DNHD1: variants seen among roughly 807,000 people sequenced by gnomAD.
DNHD1 encodes the protein dynein heavy chain domain-containing protein 1.
Under a neutral mutation model 458.1 loss-of-function variants are expected in DNHD1, and 383 were observed. The observed-to-expected ratio is 0.84, with a 90% CI of 0.77 to 0.91. DNHD1 has a LOEUF of 0.91. Among genes scored for constraint, DNHD1 ranks in the 40% least tolerant of loss-of-function variants. DNHD1 has a pLI of 0.00. For synonymous variants in DNHD1, 2,203 were observed against 2,376.9 expected, an observed-to-expected ratio of 0.93 and a Z score of 2.13; for missense variants, 5,336 against 5,866.1, an observed-to-expected ratio of 0.91 and a Z score of 2.95.
chr11:6,529,807 T>G (rs1319434517), intron 12 of DNHD1, among the ~76,000 whole-genome samples: 6 of 152,178 alleles, frequency 3.9e-5, no homozygotes, highest in Admixed American at 6.5e-5. Context: ...CCTGGGCTGG[T>G]AGAGCTGCGA....
At chr11:6,534,269 CCAAGCAAG>C in intron 14 of DNHD1, 96 bp downstream of exon 14, 1 of 1,293,996 alleles carries the variant, frequency 7.7e-7, no homozygotes, top group Non-Finnish European at 1.0e-6. Flanking sequence ...CTGTATGACC[CCAAGCAAG>C]CCTTGGGAAT....
intron 3 of DNHD1, among the ~76,000 whole-genome samples, chr11:6,501,233 G>A (rs978826623): frequency 6.6e-6 from 1 of 151,812 alleles, no homozygotes; most frequent in Non-Finnish European, 1.5e-5. Context: ...TTTTTGTGAA[G>A]CTTAGCTTGA....
rs1837031611 is a variant in DNHD1, at chr11:6,505,647, A to G, written c.920+2721A>G. 3.3e-5 allele frequency among the ~76,000 whole-genome samples: 5 copies of G among 152,126 alleles called. No individual in the cohort carries two copies. ...TTTTACTGACTGGACCCTGACTAAC[A>G]CGGTACTTGGTATTATGAGTGGTCC... is the stretch of plus-strand genomic sequence containing the variant. On this transcript the variant is annotated intron_variant, in intron 4 of 42. Coordinates refer to ENST00000254579, the MANE Select transcript of DNHD1 (RefSeq NM_144666.3). This position sits in a 1 kb window ranked among gnomAD's most constrained non-coding sequence, Gnocchi z 4.4.
Position 6,533,016 on chromosome 11 carries a change from C to A in DNHD1, c.2348-11C>A, listed in dbSNP as rs1388863067. 4 of 1,551,222 alleles carry A rather than the reference C, an allele frequency of 2.6e-6. No individual in the cohort carries two copies. The highest frequency in any genetic ancestry group is 3.5e-6 in the Non-Finnish European group (4 of 1,146,770). ...TATGCGTCCCCTCACACCTTACTCT[C>A]CTGTCTCCAGAATCCAAGCTGAACA... is the stretch of plus-strand genomic sequence containing the variant. On this transcript the variant is annotated splice_polypyrimidine_tract_variant and intron_variant, in intron 12 of 42. Transcript: ENST00000254579.
At chr11:6,499,413 CAT>C (rs1852093283) in intron 3 of DNHD1, among the ~76,000 whole-genome samples, 1 of 152,184 alleles carries the variant, frequency 6.6e-6, no homozygotes, top group African/African-American at 2.4e-5. Flanking sequence ...GTCCTTCCCA[CAT>C]GTCTATGTGA....
intron 14 of DNHD1, among the ~76,000 whole-genome samples, chr11:6,535,908 T>G (rs950153411): frequency 6.6e-6 from 1 of 150,628 alleles, no homozygotes; most frequent in Non-Finnish European, 1.5e-5. Flanking sequence ...TTATTTGTTG[T>G]AAAAAAAAAG....
At position 6,533,711 on chromosome 11, in the gene DNHD1, C is replaced by G; in HGVS notation, c.2536C>G (p.Leu846Val). Reference sequence around the variant, plus strand: ...TGAAGCCAATGAACAGTACGTCGAGCTGGAGGAGCGAATGGAATACGTACG... The same window carrying G: ...TGAAGCCAATGAACAGTACGTCGAGGTGGAGGAGCGAATGGAATACGTACG... Reference protein sequence around the residue: ...LNEANEQYVELEERMEYVRAL... With the variant: ...LNEANEQYVEVEERMEYVRAL... Residue 846 changes from leucine to valine, a missense_variant, in exon 14 of 43, where the codon CTG becomes GTG. By Grantham distance (32) the Leu-to-Val change is conservative. This residue lies in a region of DNHD1 where 3,932 missense variants were observed against 4,365.6 expected (regional missense o/e 0.90). Coordinates refer to ENST00000254579, the MANE Select transcript of DNHD1 (RefSeq NM_144666.3). The G allele has an allele frequency of 6.4e-7, 1 of 1,550,732 alleles. No individual in the cohort carries two copies. The highest frequency in any genetic ancestry group is 2.0e-5 in the Admixed American group (1 of 50,924).
Position 6,548,607 on chromosome 11 carries a change from C to G in DNHD1, c.7099-38C>G. On this transcript the variant is annotated intron_variant, in intron 23 of 42. Transcript: ENST00000254579. The surrounding 1 kb of genome is among the most constrained non-coding windows in gnomAD (Gnocchi z 4.4). ...TTTTCAGCTAGATTACTGTCTTATA[C>G]TGGAGGTGCTGCAGTAAGTCCCACT... 6.5e-7 allele frequency: 1 copy of G among 1,548,974 alleles called. No individual in the cohort carries two copies. The highest frequency in any genetic ancestry group is 1.2e-5 in the South Asian group (1 of 83,966).
In DNHD1 at chr11:6,540,091, C is replaced by T; in HGVS notation, c.3628+8C>T. The T allele has an allele frequency of 6.4e-7, 1 of 1,550,764 alleles. No individual in the cohort carries two copies. The highest frequency in any genetic ancestry group is 8.7e-7 in the Non-Finnish European group (1 of 1,146,204). On this transcript the variant is annotated splice_region_variant and intron_variant, in intron 18 of 42. Transcript: ENST00000254579. ...GCACCTTCATCCTCTCAGGTGAGAC[C>T]CAGACCTTGTGACCTAGTGAAAGCC... is the stretch of plus-strand genomic sequence containing the variant.
intron 18 of DNHD1, among the ~76,000 whole-genome samples, chr11:6,541,666 CAAT>C (rs1321455519): frequency 6.6e-6 from 1 of 152,110 alleles, no homozygotes; most frequent in Non-Finnish European, 1.5e-5. Flanking sequence ...ATAATTTACT[CAAT>C]AACATGAAAA....
At chr11:6,553,447 A>T (rs1439812685) in intron 24 of DNHD1, among the ~76,000 whole-genome samples, 1 of 152,244 alleles carries the variant, frequency 6.6e-6, no homozygotes, top group East Asian at 1.9e-4. Flanking sequence ...AGGCAAGAAC[A>T]TACTCACTGC....
At position 6,571,041 on chromosome 11, in the gene DNHD1, T is replaced by C. The variant is rs763333770; in HGVS notation, c.13529T>C (p.Leu4510Pro). 1 of 1,581,998 alleles carries C rather than the reference T, an allele frequency of 6.3e-7. No homozygotes were observed. The highest frequency in any genetic ancestry group is 8.6e-7 in the Non-Finnish European group (1 of 1,161,782). Residue 4510 changes from leucine to proline, a missense_variant, in exon 42 of 43, where the codon CTG (leucine) becomes CCG (proline). Physicochemically the swap from Leu to Pro is moderately conservative, Grantham distance 98. Coordinates refer to ENST00000254579, the MANE Select transcript of DNHD1 (RefSeq NM_144666.3). This position sits in a 1 kb window ranked among gnomAD's most constrained non-coding sequence, Gnocchi z 5.0. ...GACCTTGATTGCCTGTTGCAGCAGC[T>C]GAAGGGCGCACCCCCGTGCCCCTCC... ...QRDLDCLLQQ[L>P]KGAPPCPSRR... is the part of the protein sequence containing the mutation.
At position 6,571,294 on chromosome 11, in the gene DNHD1, G is replaced by A; in HGVS notation, c.13782G>A (p.Leu4594=). ...SAFRHPRRLL[L]ALRGEAALDQ... ...TTCGCCACCCGCGCCGCCTGCTGCTGGCATTGCGTGGGGAAGCTGCCCTGG... is the reference window on the plus strand; with the variant it reads ...TTCGCCACCCGCGCCGCCTGCTGCTAGCATTGCGTGGGGAAGCTGCCCTGG... The change falls in exon 42 of 43, where the codon CTG becomes CTA. Residue 4594 remains leucine (L), a synonymous_variant. Transcript: ENST00000254579. This position sits in a 1 kb window ranked among gnomAD's most constrained non-coding sequence, Gnocchi z 5.0. 6.2e-7 allele frequency: 1 copy of A among 1,612,426 alleles called. No homozygotes were observed. The highest frequency in any genetic ancestry group is 8.5e-7 in the Non-Finnish European group (1 of 1,179,646).
In DNHD1 at chr11:6,548,696, G is replaced by C; in HGVS notation, c.7150G>C (p.Val2384Leu). 2 of 1,551,670 alleles carry C rather than the reference G, an allele frequency of 1.3e-6. No homozygotes were observed. The highest frequency in any genetic ancestry group is 1.7e-6 in the Non-Finnish European group (2 of 1,146,964). The change falls in exon 24 of 43, where the codon GTG (valine) becomes CTG (leucine). Residue 2384 changes from valine to leucine, a missense_variant. Transcript: ENST00000254579. The surrounding 1 kb of genome is among the most constrained non-coding windows in gnomAD (Gnocchi z 4.4). ...VDLLLSGGQP[V>L]LLAGEAATGK... is the part of the protein sequence containing the mutation. ...CCTGCTTCTGTCAGGGGGACAGCCA[G>C]TGTTGCTGGCTGGAGAGGCAGCAAC...
Position 6,533,788 on chromosome 11 carries a change from T to G in DNHD1, c.2613T>G (p.Asn871Lys). ...ACTTTAGCCTCTTTAGTGCTGAGAA[T>G]GAAGCACTGGACATCTCGGTGAGAA... ...RNHFSLFSAE[N>K]EALDISVRRQ... Residue 871 changes from asparagine (N) to lysine (K), a missense_variant, in exon 14 of 43, where the codon AAT (asparagine) becomes AAG (lysine). This residue lies in a region of DNHD1 where 3,932 missense variants were observed against 4,365.6 expected (regional missense o/e 0.90). Coordinates refer to ENST00000254579, the MANE Select transcript of DNHD1 (RefSeq NM_144666.3). The G allele has an allele frequency of 6.4e-7, 1 of 1,551,498 alleles. No individual in the cohort carries two copies. Among genetic ancestry groups the G allele is most frequent in the South Asian group, 1.2e-5 (1 of 84,018 alleles).
chr11:6,558,403 G>A, intron 25 of DNHD1, 82 bp from the exon 26 acceptor site: 3 of 1,537,326 alleles, frequency 2.0e-6, no homozygotes, highest in Non-Finnish European at 2.6e-6. Flanking sequence ...GAAGATTGGG[G>A]CTAAGTGGTC....
Position 6,566,003 on chromosome 11 carries a change from T to TGGCCC in DNHD1, c.11053+12_11053+13insGGCCC. On this transcript the variant is annotated intron_variant, in intron 33 of 42. Transcript: ENST00000254579. ...GGCAGCTGCTTGTGGTGAGAGCTGG[T>TGGCCC]CCCCACCCACCCTGGCCCCTTTTTG... 6.0e-6 allele frequency: 9 copies of TGGCCC among 1,508,352 alleles called. No homozygotes were observed. The highest frequency in any genetic ancestry group is 7.2e-6 in the Non-Finnish European group (8 of 1,110,182). The allele number at this position is 1,508,352 out of a possible 1,614,324, so 93.4% of individuals were successfully genotyped here. A position where few individuals can be genotyped will look rare whatever the true frequency, so the allele number is the denominator to read the frequency against.
rs1264851714 is a variant in DNHD1 at position 6,547,236 on chromosome 11, T to TTG, written c.6298_6299dup (p.Leu2101AlafsTer3). 6.4e-7 allele frequency: 1 copy of TTG among 1,551,768 alleles called. No individual in the cohort carries two copies. Among genetic ancestry groups the TTG allele is most frequent in the African/African-American group, 1.4e-5 (1 of 73,178 alleles). ...ATGGTGCTTGGCTGGACTCCATCAC[T>TTG]TGCCTCCTGAGTGAGCTTCCCCAGC... On this transcript the variant is annotated frameshift_variant, in exon 21 of 43. Coordinates refer to ENST00000254579, the MANE Select transcript of DNHD1 (RefSeq NM_144666.3). LOFTEE classifies it high-confidence loss of function.
chr11:6,538,234 C>A, intron 14 of DNHD1, 149 bp from the exon 15 acceptor site: 1 of 653,598 alleles, frequency 1.5e-6, no homozygotes. Flanking sequence ...CATTGTTGAG[C>A]CAAACAATTT....
Sources: gnomAD v4.1 joint callset for allele counts (sites outside exome capture counted in the v4.1 genomes callset) on GRCh38, gnomAD v4.1.1 for gene constraint, gnomAD v4.1.1 regional missense constraint, Gnocchi (gnomAD v3.1) non-coding constraint, MANE v1.5 for transcripts, NCBI Gene and HGNC (gene_info 2026-07-23, HGNC 2026-07-21) for gene names.